The following RBFOX1 variants were observed in gnomAD, a reference collection of about 807,000 sequenced individuals.
RBFOX1 encodes RNA binding protein fox-1 homolog 1.
In RBFOX1, 8 loss-of-function variants were observed where a neutral mutation model predicts 57.7. That is an observed-to-expected ratio of 0.14 (90% CI 0.08 to 0.25). The LOEUF (loss-of-function observed/expected upper bound fraction) is 0.25, where lower values mean the gene tolerates loss of function less well. Among genes scored for constraint, RBFOX1 ranks in the 10% least tolerant of loss-of-function variants. The pLI, the probability that RBFOX1 is intolerant of heterozygous loss-of-function variation, is 1.00. For synonymous variants in RBFOX1, 326 were observed against 222.4 expected, an observed-to-expected ratio of 1.47 and a Z score of -4.15; for missense variants, 611 against 548.5, an observed-to-expected ratio of 1.11 and a Z score of -1.14.
At chr16:7,612,618 T>A (rs1251287831) in intron 10 of RBFOX1, among the ~76,000 whole-genome samples, 1 of 151,658 alleles carries the variant, frequency 6.6e-6, no homozygotes, top group African/African-American at 2.4e-5. Context: ...AAAAAATATA[T>A]ATATATATTT....
chr16:5,734,582 A>G (rs116832973), intron 3 of RBFOX1, among the ~76,000 whole-genome samples: 192 of 152,278 alleles, frequency 1.3e-3, no homozygotes, highest in African/African-American at 4.4e-3. Flanking sequence ...TGATCCTCCA[A>G]TGAATTGATC....
intron 4 of RBFOX1, among the ~76,000 whole-genome samples, chr16:7,274,937 G>T (rs988879917): frequency 2.6e-5 from 4 of 152,082 alleles, no homozygotes; most frequent in Non-Finnish European, 4.4e-5. Context: ...GCCTGCCTCG[G>T]CCTCCCAAAG....
At chr16:7,373,445 T>A (rs1186831385) in intron 4 of RBFOX1, among the ~76,000 whole-genome samples, 1 of 152,102 alleles carries the variant, frequency 6.6e-6, no homozygotes, top group Non-Finnish European at 1.5e-5. Context: ...TTTCTTGGTT[T>A]TGTGAGACCA....
At chr16:5,578,559 G>A (rs2046546746) in intron 2 of RBFOX1, among the ~76,000 whole-genome samples, 2 of 152,152 alleles carry the variant, frequency 1.3e-5, no homozygotes, top group Non-Finnish European at 2.9e-5. Flanking sequence ...TGGGAGATCA[G>A]GTACTTCCTG....
At chr16:6,851,925 G>T (rs1567557550) in intron 3 of RBFOX1, among the ~76,000 whole-genome samples, 1 of 102,338 alleles carries the variant, frequency 9.8e-6, no homozygotes, top group African/African-American at 3.2e-5. Context: ...GTTTCCATTG[G>T]GTTTTTTTTT....
intron 4 of RBFOX1, among the ~76,000 whole-genome samples, chr16:7,302,657 A>T (rs1448878920): frequency 6.6e-6 from 1 of 151,766 alleles, no homozygotes; most frequent in Non-Finnish European, 1.5e-5. Flanking sequence ...AAGAAAATCC[A>T]ATCACTGGGT....
At chr16:6,417,204 GT>G (rs1235734581) in intron 2 of RBFOX1, among the ~76,000 whole-genome samples, 21 of 151,884 alleles carry the variant, frequency 1.4e-4, no homozygotes, top group African/African-American at 4.8e-4. Context: ...TAGAGATGGG[GT>G]TTCACCATGT....
At chr16:5,504,807 C>T (rs1256624271) in intron 2 of RBFOX1, among the ~76,000 whole-genome samples, 2 of 152,166 alleles carry the variant, frequency 1.3e-5, no homozygotes, top group African/African-American at 4.8e-5. Context: ...AGTAACTGGC[C>T]ATGAGCGGTG....
intron 4 of RBFOX1, among the ~76,000 whole-genome samples, chr16:7,105,468 C>T (rs1164315972): frequency 6.6e-6 from 1 of 152,102 alleles, no homozygotes; most frequent in Non-Finnish European, 1.5e-5. Flanking sequence ...AGTCTTTTAT[C>T]CCTTACTGCA....
At chr16:7,603,731 G>A (rs902752235) in intron 9 of RBFOX1, among the ~76,000 whole-genome samples, 1 of 152,116 alleles carries the variant, frequency 6.6e-6, no homozygotes, top group Admixed American at 6.5e-5. Context: ...GACGGGGAAA[G>A]GGAAAAAGGG....
At chr16:5,314,274 G>A (rs2064171276) in intron 1 of RBFOX1, among the ~76,000 whole-genome samples, 1 of 152,236 alleles carries the variant, frequency 6.6e-6, no homozygotes, top group Non-Finnish European at 1.5e-5. Context: ...CAGATAACCA[G>A]CCTTTGTGTG....
At chr16:6,544,342 A>G (rs968261934) in intron 2 of RBFOX1, among the ~76,000 whole-genome samples, 7 of 152,206 alleles carry the variant, frequency 4.6e-5, no homozygotes, top group African/African-American at 7.2e-5. Context: ...AGTGTCATCA[A>G]TGGTGGAAAA....
At chr16:5,579,137 C>T (rs1346485208) in intron 2 of RBFOX1, among the ~76,000 whole-genome samples, 1 of 152,102 alleles carries the variant, frequency 6.6e-6, no homozygotes, top group Non-Finnish European at 1.5e-5. Context: ...CATGAGCCAC[C>T]ACGCCTGGCC....
intron 4 of RBFOX1, among the ~76,000 whole-genome samples, chr16:7,168,777 C>G (rs961988520): frequency 2.6e-5 from 4 of 152,082 alleles, no homozygotes; most frequent in Non-Finnish European, 4.4e-5. Flanking sequence ...GTACACCATC[C>G]AAATACAACA....
chr16:5,554,038 C>T (rs1449765800), intron 2 of RBFOX1, among the ~76,000 whole-genome samples: 1 of 150,330 alleles, frequency 6.7e-6, no homozygotes, highest in Non-Finnish European at 1.5e-5. Flanking sequence ...GGCGTGATCT[C>T]AGCTCACTGC....
chr16:5,878,307 C>T (rs2057669246), intron 4 of RBFOX1, among the ~76,000 whole-genome samples: 1 of 152,152 alleles, frequency 6.6e-6, no homozygotes, highest in Non-Finnish European at 1.5e-5. Flanking sequence ...ATGCTAGGCA[C>T]TGAGCAATGT....
At chr16:6,955,526 C>G (rs895515381) in intron 3 of RBFOX1, among the ~76,000 whole-genome samples, 1 of 151,858 alleles carries the variant, frequency 6.6e-6, no homozygotes, top group African/African-American at 2.4e-5. Flanking sequence ...TCATTGCTTG[C>G]TTTTTTCAAA....
At chr16:6,443,966 C>T (rs916462209) in intron 2 of RBFOX1, among the ~76,000 whole-genome samples, 2 of 152,086 alleles carry the variant, frequency 1.3e-5, no homozygotes, top group Non-Finnish European at 2.9e-5. Context: ...TGTTAGTACT[C>T]AGGAAGGCCA....
In RBFOX1 at chr16:6,867,981, G is replaced by A. The variant is rs190117705; in HGVS notation, c.-15-184076G>A. ...AATTGGCAGTTGAATTTTGATTTCT[G>A]TACTTGATTTTTTCTGAGAAGCTGA... On this transcript the variant is annotated intron_variant, in intron 3 of 15. Coordinates refer to ENST00000550418, the MANE Select transcript of RBFOX1 (RefSeq NM_018723.4). 1.1e-4 allele frequency among the ~76,000 whole-genome samples: 17 copies of A among 152,222 alleles called. 1 individual carries two copies. The East Asian group carries it at 3.3e-3, about 29-fold the overall frequency.
Sources: allele counts gnomAD v4.1 joint callset (sites outside exome capture counted in the v4.1 genomes callset), GRCh38; gene constraint gnomAD v4.1.1; transcripts MANE v1.5; gene names NCBI Gene and HGNC (gene_info 2026-07-23, HGNC 2026-07-21).